TMEM108: variants seen among roughly 807,000 people sequenced by gnomAD.
TMEM108 encodes the protein cancer/testis antigen 124.
Under a neutral mutation model 35.1 loss-of-function variants are expected in TMEM108, and 12 were observed. That is an observed-to-expected ratio of 0.34 (90% CI 0.22 to 0.55). TMEM108 has a LOEUF of 0.55. TMEM108 is among the 20% of genes least tolerant of loss of function. TMEM108 has a pLI of 0.89. For missense variants in TMEM108, 680 were observed against 753.3 expected, an observed-to-expected ratio of 0.90 and a Z score of 1.14; for synonymous variants, 287 against 308.6, an observed-to-expected ratio of 0.93 and a Z score of 0.73.
At chr3:133,231,082 A>G (rs1432529919) in intron 3 of TMEM108, among the ~76,000 whole-genome samples, 2 of 152,218 alleles carry the variant, frequency 1.3e-5, no homozygotes, top group Non-Finnish European at 2.9e-5. Context: ...CTGGTCAGCC[A>G]GTTATTAAGT....
intron 2 of TMEM108, among the ~76,000 whole-genome samples, chr3:133,221,660 C>CTTT (rs3078806): frequency 5.2e-3 from 316 of 60,266 alleles, no homozygotes; most frequent in Non-Finnish European, 6.8e-3. Flanking sequence ...ACATTGATTC[C>CTTT]TTTTTTTTTT....
Position 133,374,563 on chromosome 3 carries a change from T to C in TMEM108, c.41-5189T>C, listed in dbSNP as rs200311392. Among the ~76,000 whole-genome samples, 321 of 78,004 alleles carry C rather than the reference T, an allele frequency of 4.1e-3. 2 individuals are homozygous for C. Among genetic ancestry groups the C allele is most frequent in the Admixed American group, 0.021 (131 of 6,232 alleles). The allele number at this position is 78,004 out of a possible 152,430, so 51.2% of individuals were successfully genotyped here. ...TTTGTTATATATATATATATATATA[T>C]ACACACACACACATATATAATTTTG... is the stretch of plus-strand genomic sequence containing the variant. On this transcript the variant is annotated intron_variant, in intron 3 of 5. Transcript: ENST00000321871.
intron 3 of TMEM108, among the ~76,000 whole-genome samples, chr3:133,233,388 C>A (rs1576399932): frequency 6.6e-6 from 1 of 152,106 alleles, no homozygotes; most frequent in Non-Finnish European, 1.5e-5. Context: ...TTTATGGCTG[C>A]ATAGTATTCC....
chr3:133,213,502 A>C (rs1323102993), intron 2 of TMEM108, among the ~76,000 whole-genome samples: 1 of 152,224 alleles, frequency 6.6e-6, no homozygotes, highest in East Asian at 1.9e-4. Context: ...GTAGCCAAAC[A>C]AGAGTATTCT....
chr3:133,083,698 C>A (rs1943844042), intron 2 of TMEM108, among the ~76,000 whole-genome samples: 1 of 152,080 alleles, frequency 6.6e-6, no homozygotes, highest in African/African-American at 2.4e-5. Flanking sequence ...ATTCCAAAGA[C>A]AATGGTATTT....
At position 133,380,929 on chromosome 3, in the gene TMEM108, C is replaced by T; in HGVS notation, c.1218C>T (p.Ala406=). ...CTGGAGCCAAGGAGGAGACTGTGGC[C>T]ACCCTCACCATGACCGACCGGGTGC... is the stretch of plus-strand genomic sequence containing the variant. ...TISGAKEETV[A]TLTMTDRVPS... Residue 406 remains alanine (A), a synonymous_variant, in exon 4 of 6, where the codon GCC becomes GCT. Transcript: ENST00000321871. The surrounding 1 kb of genome is among the most constrained non-coding windows in gnomAD (Gnocchi z 5.3). 1 of 1,614,200 alleles carries T rather than the reference C, an allele frequency of 6.2e-7. No homozygotes were observed. The highest frequency in any genetic ancestry group is 8.5e-7 in the Non-Finnish European group (1 of 1,180,036).
intron 2 of TMEM108, among the ~76,000 whole-genome samples, chr3:133,195,232 G>A (rs903721807): frequency 5.3e-5 from 8 of 152,072 alleles, no homozygotes; most frequent in Non-Finnish European, 1.2e-4. Context: ...AATCCCTGAA[G>A]GTAATACCGT....
At chr3:133,208,387 CAG>C (rs1331228116) in intron 2 of TMEM108, among the ~76,000 whole-genome samples, 1 of 152,176 alleles carries the variant, frequency 6.6e-6, no homozygotes, top group Non-Finnish European at 1.5e-5. Flanking sequence ...CTGCAGGAGC[CAG>C]ATCTATCCAG....
chr3:133,215,882 C>G (rs1314663518), intron 2 of TMEM108, among the ~76,000 whole-genome samples: 1 of 152,072 alleles, frequency 6.6e-6, no homozygotes, highest in Non-Finnish European at 1.5e-5. Flanking sequence ...ATTGCTCAAC[C>G]AGTATCTCAA....
intron 2 of TMEM108, among the ~76,000 whole-genome samples, chr3:133,056,298 C>G (rs4854686): frequency 0.39 from 59,851 of 151,994 alleles, 12,508 homozygotes; most frequent in Admixed American, 0.5. Context: ...TCCCTGTGTA[C>G]AGTGCTCCTG....
At chr3:133,335,368 A>G (rs1040161071) in intron 3 of TMEM108, among the ~76,000 whole-genome samples, 2 of 152,228 alleles carry the variant, frequency 1.3e-5, no homozygotes, top group African/African-American at 4.8e-5. Context: ...AGAACAAGGT[A>G]GTAGTGGCAC....
In TMEM108 at chr3:133,139,490, G is replaced by A. The variant is rs116481819; in HGVS notation, c.-46-89776G>A. Among the ~76,000 whole-genome samples, 277 of 152,278 alleles carry A rather than the reference G, an allele frequency of 1.8e-3. 1 individual carries two copies. The highest frequency in any genetic ancestry group is 6.3e-3 in the African/African-American group (262 of 41,560). ...ATAGATGACCCATAGTGTATGATTT[G>A]TAACTCCAGAAAATAGTTATAAGTG... On this transcript the variant is annotated intron_variant, in intron 2 of 5. Coordinates refer to ENST00000321871, the MANE Select transcript of TMEM108 (RefSeq NM_023943.4).
At chr3:133,216,037 G>A (rs1945902721) in intron 2 of TMEM108, among the ~76,000 whole-genome samples, 1 of 151,950 alleles carries the variant, frequency 6.6e-6, no homozygotes, top group Non-Finnish European at 1.5e-5. Flanking sequence ...TATCTGATAA[G>A]GCCAGCAGTT....
intron 3 of TMEM108, 72 bp downstream of exon 3, chr3:133,229,423 C>CT (rs1269615819): frequency 1.3e-6 from 2 of 1,487,314 alleles, no homozygotes; most frequent in Non-Finnish European, 1.9e-6. Flanking sequence ...CCACAACTTA[C>CT]TTTTTGGACG....
intron 3 of TMEM108, among the ~76,000 whole-genome samples, chr3:133,261,788 G>A (rs887029264): frequency 1.3e-5 from 2 of 152,200 alleles, no homozygotes; most frequent in African/African-American, 2.4e-5. Context: ...CAGGAGGGAA[G>A]GTTTTCTATG....
At chr3:133,069,271 A>T (rs1943648299) in intron 2 of TMEM108, among the ~76,000 whole-genome samples, 1 of 152,224 alleles carries the variant, frequency 6.6e-6, no homozygotes, top group Non-Finnish European at 1.5e-5. Flanking sequence ...TCCTAGATTA[A>T]TATCTTACAG....
At chr3:133,114,926 C>T (rs1050459357) in intron 2 of TMEM108, among the ~76,000 whole-genome samples, 1 of 151,978 alleles carries the variant, frequency 6.6e-6, no homozygotes, top group Non-Finnish European at 1.5e-5. Flanking sequence ...CAAAGTGGAC[C>T]TAAAAAGAGT....
At chr3:133,341,211 G>T (rs1559913070) in intron 3 of TMEM108, among the ~76,000 whole-genome samples, 1 of 151,912 alleles carries the variant, frequency 6.6e-6, no homozygotes, top group African/African-American at 2.4e-5. Context: ...TCAATAAGTT[G>T]CAGGATACAA....
intron 2 of TMEM108, among the ~76,000 whole-genome samples, chr3:133,113,030 A>T (rs924398469): frequency 6.6e-6 from 1 of 152,214 alleles, no homozygotes; most frequent in Non-Finnish European, 1.5e-5. Context: ...TTCAAGAAGT[A>T]TGTCATTTTT....
Sources: allele counts gnomAD v4.1 joint callset (sites outside exome capture counted in the v4.1 genomes callset), GRCh38; gene constraint gnomAD v4.1.1; non-coding constraint Gnocchi (gnomAD v3.1); transcripts MANE v1.5; gene names NCBI Gene and HGNC (gene_info 2026-07-23, HGNC 2026-07-21).